Variants in KCNU1 observed in about 807,000 individuals in gnomAD.
The protein encoded by KCNU1 is potassium calcium-activated channel subfamily U member 1.
A neutral mutation model predicts 126.8 loss-of-function variants in KCNU1; 93 were observed. That is an observed-to-expected ratio of 0.73 (90% confidence interval 0.62 to 0.87). The LOEUF (loss-of-function observed/expected upper bound fraction) is 0.87, where lower values mean the gene tolerates loss of function less well. Among genes scored for constraint, KCNU1 ranks in the 40% least tolerant of loss-of-function variants. KCNU1 has a pLI of 0.00. For missense variants in KCNU1, 1,330 were observed against 1,367.1 expected, an observed-to-expected ratio of 0.97 and a Z score of 0.43; for synonymous variants, 523 against 494.2, an observed-to-expected ratio of 1.06 and a Z score of -0.77.
intron 19 of KCNU1, among the ~76,000 whole-genome samples, chr8:36,896,016 T>C (rs1391421368): frequency 6.6e-6 from 1 of 152,066 alleles, no homozygotes; most frequent in Non-Finnish European, 1.5e-5. Context: ...TTAAATTTTG[T>C]TGTTGTTAAC....
chr8:36,868,054 C>T (rs1156915444), intron 19 of KCNU1, among the ~76,000 whole-genome samples: 3 of 152,246 alleles, frequency 2.0e-5, no homozygotes, highest in Non-Finnish European at 4.4e-5. Context: ...AAGAAATAAA[C>T]GAGAGCCACG....
Position 36,935,837 on chromosome 8 carries a change from G to T in KCNU1, c.3367G>T (p.Gly1123Cys). The T allele has an allele frequency of 6.2e-7, 1 of 1,612,232 alleles. No individual in the cohort carries two copies. The highest frequency in any genetic ancestry group is 8.5e-7 in the Non-Finnish European group (1 of 1,179,124). Residue 1123 changes from glycine to cysteine, a missense_variant, in exon 27 of 27, where the codon GGT (glycine) becomes TGT (cysteine). By Grantham distance (159) the Gly-to-Cys change is radical (BLOSUM62 -3). Around this residue, in one of 3 missense-constraint regions of KCNU1, gnomAD observed 1,054 missense variants for 1,053.9 expected, o/e 1.00. Coordinates refer to ENST00000399881, the MANE Select transcript of KCNU1 (RefSeq NM_001031836.3). ...NSIISSQIPL[G>C]DNAKENERKT... The stretch of plus-strand genomic sequence containing the variant: ...TATTATATCATCTCAGATACCTTTA[G>T]GTGACAATGCAAAAGAAAATGAAAG...
chr8:36,798,717 C>T (rs1396029388), intron 2 of KCNU1, among the ~76,000 whole-genome samples: 6 of 152,150 alleles, frequency 3.9e-5, no homozygotes, highest in Non-Finnish European at 8.8e-5. Context: ...TTAAATTTAC[C>T]TATATCCTGG....
intron 22 of KCNU1, among the ~76,000 whole-genome samples, chr8:36,912,125 C>T (rs913973647): frequency 5.9e-5 from 9 of 152,188 alleles, no homozygotes; most frequent in African/African-American, 1.9e-4. Context: ...TTGGGCCATG[C>T]AGCCTCTGAC....
intron 22 of KCNU1, among the ~76,000 whole-genome samples, chr8:36,915,028 T>C (rs1808043445): frequency 6.6e-6 from 1 of 152,226 alleles, no homozygotes; most frequent in Non-Finnish European, 1.5e-5. Context: ...GAAATTCAGA[T>C]GCTGTCCTTC....
At chr8:36,880,441 C>G (rs995330496) in intron 19 of KCNU1, among the ~76,000 whole-genome samples, 1 of 152,050 alleles carries the variant, frequency 6.6e-6, no homozygotes, top group African/African-American at 2.4e-5. Flanking sequence ...GTTTTTATAG[C>G]CTTACATTAT....
At chr8:36,784,821 G>C (rs1444713103) in intron 1 of KCNU1, among the ~76,000 whole-genome samples, 1 of 152,118 alleles carries the variant, frequency 6.6e-6, no homozygotes, top group Non-Finnish European at 1.5e-5. Context: ...CCCATCACTG[G>C]AAAAAGCAAT....
intron 18 of KCNU1, among the ~76,000 whole-genome samples, chr8:36,861,588 G>C (rs1321766559): frequency 3.3e-5 from 5 of 152,028 alleles, no homozygotes; most frequent in Non-Finnish European, 7.4e-5. Context: ...TAAAACTAGT[G>C]GTTTTTATCT....
intron 18 of KCNU1, 67 bp downstream of exon 18, chr8:36,845,966 A>AG: frequency 6.4e-6 from 6 of 937,544 alleles, no homozygotes; most frequent in Non-Finnish European, 1.0e-5. Context: ...GAAAGAGAAG[A>AG]GGGTTCCATC....
At chr8:36,805,374 C>G in intron 4 of KCNU1, 89 bp downstream of exon 4, 1 of 790,576 alleles carries the variant, frequency 1.3e-6, no homozygotes, top group African/African-American at 1.7e-5. Flanking sequence ...CTACAATCTG[C>G]CCGAGTTTTC....
chr8:36,825,047 A>T (rs1237471260), intron 10 of KCNU1, among the ~76,000 whole-genome samples: 1 of 152,200 alleles, frequency 6.6e-6, no homozygotes, highest in Non-Finnish European at 1.5e-5. Flanking sequence ...AATGATATGA[A>T]CAATCTGCAC....
At chr8:36,847,730 T>C (rs1029100278) in intron 18 of KCNU1, among the ~76,000 whole-genome samples, 5 of 152,230 alleles carry the variant, frequency 3.3e-5, no homozygotes, top group Non-Finnish European at 7.3e-5. Flanking sequence ...GATGGACATT[T>C]AGGTTGCTTC....
chr8:36,922,652 GC>G (rs754147137), intron 24 of KCNU1, 23 bp downstream of exon 24: 4 of 1,608,106 alleles, frequency 2.5e-6, no homozygotes, highest in Admixed American at 1.7e-5. Context: ...AAGCCATGGA[GC>G]CCCCAAAACC....
chr8:36,805,363 C>A, intron 4 of KCNU1, 78 bp downstream of exon 4: 2 of 866,210 alleles, frequency 2.3e-6, no homozygotes, highest in South Asian at 1.5e-5. Flanking sequence ...GTGTCTCAGT[C>A]CTACAATCTG....
intron 19 of KCNU1, among the ~76,000 whole-genome samples, chr8:36,882,016 C>T (rs1806501595): frequency 6.6e-6 from 1 of 152,198 alleles, no homozygotes; most frequent in African/African-American, 2.4e-5. Context: ...TCTCCACCAT[C>T]TCTTAAAAGT....
intron 26 of KCNU1, 41 bp from the exon 27 acceptor site, chr8:36,935,474 A>T: frequency 2.6e-6 from 4 of 1,521,308 alleles, no homozygotes; most frequent in Non-Finnish European, 3.5e-6. Context: ...CACACTGGCC[A>T]GCTGCAGAAC....
chr8:36,930,391 T>C (rs1422607371), intron 24 of KCNU1, among the ~76,000 whole-genome samples: 3 of 152,142 alleles, frequency 2.0e-5, no homozygotes, highest in African/African-American at 7.2e-5. Flanking sequence ...ATTAAACACC[T>C]ATAATTTCTA....
At chr8:36,905,829 C>G in intron 20 of KCNU1, 25 bp downstream of exon 20, 1 of 1,128,600 alleles carries the variant, frequency 8.9e-7, no homozygotes, top group Non-Finnish European at 1.3e-6. Flanking sequence ...ATCATCAAAT[C>G]TCAAATAAGA....
intron 19 of KCNU1, among the ~76,000 whole-genome samples, chr8:36,868,890 T>G (rs1806003394): frequency 6.6e-6 from 1 of 152,156 alleles, no homozygotes; most frequent in Admixed American, 6.6e-5. Flanking sequence ...TGCAGTGTTT[T>G]ATAGTAAGTG....
Sources: allele counts gnomAD v4.1 joint callset (sites outside exome capture counted in the v4.1 genomes callset), GRCh38; gene constraint gnomAD v4.1.1; regional missense constraint gnomAD v4.1.1; transcripts MANE v1.5; gene names NCBI Gene and HGNC (gene_info 2026-07-23, HGNC 2026-07-21).